The following NELL1 variants were observed in gnomAD, a reference collection of about 807,000 sequenced individuals.
The protein encoded by NELL1 is protein kinase C-binding protein NELL1.
Under a neutral mutation model 107.4 loss-of-function variants are expected in NELL1, and 76 were observed. The observed-to-expected ratio is 0.71, with a 90% CI of 0.59 to 0.86. The LOEUF (loss-of-function observed/expected upper bound fraction) is 0.86, where lower values mean the gene tolerates loss of function less well. Ranked by LOEUF, NELL1 falls within the 40% of genes least tolerant of loss-of-function variation. The probability of loss-of-function intolerance (pLI) is 0.00; values close to 1 mark genes in which losing one functional copy is unlikely to be tolerated. For missense variants in NELL1, 1,024 were observed against 1,005.5 expected, an observed-to-expected ratio of 1.02 and a Z score of -0.25; for synonymous variants, 353 against 341.2, an observed-to-expected ratio of 1.03 and a Z score of -0.38.
At chr11:20,933,494 G>T (rs1309306751) in intron 9 of NELL1, among the ~76,000 whole-genome samples, 2 of 152,214 alleles carry the variant, frequency 1.3e-5, no homozygotes, top group Non-Finnish European at 2.9e-5. Flanking sequence ...TTTGATGTGG[G>T]TGTCTTGCTC....
chr11:21,049,863 A>T (rs1490085028), intron 12 of NELL1, among the ~76,000 whole-genome samples: 4 of 152,062 alleles, frequency 2.6e-5, no homozygotes, highest in African/African-American at 7.2e-5. Context: ...TTTTTAGTAG[A>T]GACGGTGTTT....
intron 15 of NELL1, among the ~76,000 whole-genome samples, chr11:21,376,809 T>C (rs1046829025): frequency 3.9e-5 from 6 of 152,040 alleles, no homozygotes; most frequent in African/African-American, 1.2e-4. Context: ...TGTGTGGCTA[T>C]TGTAAATGGA....
intron 14 of NELL1, among the ~76,000 whole-genome samples, chr11:21,356,861 T>C (rs1230800188): frequency 6.6e-6 from 1 of 152,154 alleles, no homozygotes; most frequent in Non-Finnish European, 1.5e-5. Flanking sequence ...GGCCTTTCTG[T>C]CCTCACAGCT....
intron 11 of NELL1, among the ~76,000 whole-genome samples, chr11:20,948,387 G>T (rs901749801): frequency 1.1e-4 from 16 of 151,784 alleles, no homozygotes; most frequent in Non-Finnish European, 2.2e-4. Context: ...TAATAGTTGT[G>T]CATATTTTGG....
intron 12 of NELL1, among the ~76,000 whole-genome samples, chr11:21,077,758 A>G (rs1470790359): frequency 6.6e-6 from 1 of 150,894 alleles, no homozygotes; most frequent in Non-Finnish European, 1.5e-5. Context: ...AAAAAAAAAA[A>G]GAAGAATTAA....
intron 12 of NELL1, among the ~76,000 whole-genome samples, chr11:20,979,946 G>T (rs1222364737): frequency 6.6e-6 from 1 of 152,112 alleles, no homozygotes; most frequent in Non-Finnish European, 1.5e-5. Flanking sequence ...GGAAGAACAG[G>T]ACCTTCTTAA....
In NELL1 at chr11:21,229,374, A is replaced by G; in HGVS notation, c.1469A>G (p.Asn490Ser). 6.2e-7 allele frequency: 1 copy of G among 1,614,004 alleles called. No homozygotes were observed. The highest frequency in any genetic ancestry group is 8.5e-7 in the Non-Finnish European group (1 of 1,179,920). Residue 490 changes from asparagine (N) to serine (S), a missense_variant, in exon 14 of 20, where the codon AAT becomes AGT. Physicochemically the swap from Asn to Ser is conservative, Grantham distance 46 (BLOSUM62 1). Transcript: ENST00000357134. ...AGCGGCCAGCACAACTGTGATGAGAATGCCATCTGCACCAACACTGTCCAG... is the reference window on the plus strand; with the variant it reads ...AGCGGCCAGCACAACTGTGATGAGAGTGCCATCTGCACCAACACTGTCCAG... The part of the protein sequence containing the change: ...CGSGQHNCDE[N>S]AICTNTVQGH...
At chr11:20,694,708 G>A (rs947309670) in intron 2 of NELL1, among the ~76,000 whole-genome samples, 7 of 152,036 alleles carry the variant, frequency 4.6e-5, no homozygotes, top group Non-Finnish European at 8.8e-5. Flanking sequence ...AAATATAGAA[G>A]TGGGGTAATG....
At chr11:21,408,422 A>G (rs1412236949) in intron 15 of NELL1, among the ~76,000 whole-genome samples, 1 of 152,036 alleles carries the variant, frequency 6.6e-6, no homozygotes, top group African/African-American at 2.4e-5. Flanking sequence ...GACTACAAAG[A>G]AAAGGAGGCC....
chr11:21,473,780 G>C (rs553586003), intron 15 of NELL1, among the ~76,000 whole-genome samples: 1 of 152,154 alleles, frequency 6.6e-6, no homozygotes, highest in South Asian at 2.1e-4. Flanking sequence ...ACACCCCGTA[G>C]TATATTGCAA....
chr11:21,472,784 AT>A (rs953561405), intron 15 of NELL1, among the ~76,000 whole-genome samples: 1 of 151,912 alleles, frequency 6.6e-6, no homozygotes, highest in Non-Finnish European at 1.5e-5. Context: ...AATGTTCCTA[AT>A]AATTCACTCA....
chr11:20,687,031 A>ATC (rs758434226), intron 2 of NELL1, among the ~76,000 whole-genome samples: 2 of 119,228 alleles, frequency 1.7e-5, no homozygotes, highest in Non-Finnish European at 3.5e-5. Context: ...CTGTTTTGGG[A>ATC]TCTCTCTCTC....
At chr11:21,182,895 C>CT (rs1333185276) in intron 13 of NELL1, among the ~76,000 whole-genome samples, 1 of 151,748 alleles carries the variant, frequency 6.6e-6, no homozygotes, top group Non-Finnish European at 1.5e-5. Flanking sequence ...AAAATTGTTG[C>CT]TGTTGGACTG....
intron 14 of NELL1, among the ~76,000 whole-genome samples, chr11:21,270,896 G>T (rs114711474): frequency 0.021 from 3,212 of 152,140 alleles, 120 homozygotes; most frequent in African/African-American, 0.072. Context: ...AATTATTGGG[G>T]ATTAAACAAC....
At chr11:20,884,503 G>T (rs1849468582) in intron 4 of NELL1, among the ~76,000 whole-genome samples, 1 of 88,176 alleles carries the variant, frequency 1.1e-5, no homozygotes. Context: ...ATCCAATGCT[G>T]AGAGGTACTT....
At chr11:21,008,920 G>A (rs929900111) in intron 12 of NELL1, among the ~76,000 whole-genome samples, 3 of 152,134 alleles carry the variant, frequency 2.0e-5, no homozygotes, top group Non-Finnish European at 4.4e-5. Flanking sequence ...TGGTTTCGAG[G>A]TTCCATCAAC....
At chr11:21,472,517 T>C (rs1208545186) in intron 15 of NELL1, among the ~76,000 whole-genome samples, 1 of 152,012 alleles carries the variant, frequency 6.6e-6, no homozygotes, top group African/African-American at 2.4e-5. Context: ...TGTTCTAAGA[T>C]GCCTCTTGGA....
chr11:21,049,013 A>C (rs1224277338), intron 12 of NELL1, among the ~76,000 whole-genome samples: 1 of 152,216 alleles, frequency 6.6e-6, no homozygotes. Flanking sequence ...GAAAATAGAG[A>C]AGTTGAACTG....
intron 13 of NELL1, among the ~76,000 whole-genome samples, chr11:21,120,246 ATAGT>A (rs576494190): frequency 1.9e-3 from 296 of 152,264 alleles, no homozygotes; most frequent in African/African-American, 6.8e-3. Flanking sequence ...CTTAAAAGTA[ATAGT>A]TAGTTGTTAG....
Sources: allele counts gnomAD v4.1 joint callset (sites outside exome capture counted in the v4.1 genomes callset), GRCh38; gene constraint gnomAD v4.1.1; transcripts MANE v1.5; gene names NCBI Gene and HGNC (gene_info 2026-07-23, HGNC 2026-07-21).